The following ZNF839 variants were observed in gnomAD, a reference collection of about 807,000 sequenced individuals.
ZNF839 encodes renal carcinoma antigen NY-REN-50.
In ZNF839, 38 loss-of-function variants were observed where a neutral mutation model predicts 56.4. The ratio of observed to expected loss-of-function variants is 0.67; its 90% CI spans 0.52 to 0.88. The LOEUF is 0.88. Ranked by LOEUF, ZNF839 falls within the 40% of genes least tolerant of loss-of-function variation. ZNF839 has a pLI of 0.00. For synonymous variants in ZNF839, 486 were observed against 493.5 expected (o/e 0.98, Z 0.20); for missense variants, 1,091 against 1,177.6 (o/e 0.93, Z 1.08).
In ZNF839 at chr14:102,341,711, C is replaced by G; in HGVS notation, c.2316C>G (p.Leu772=). The G allele has an allele frequency of 6.2e-7, 1 of 1,613,982 alleles. No homozygotes were observed. Among genetic ancestry groups the G allele is most frequent in the South Asian group, 1.1e-5 (1 of 91,084 alleles). The part of the protein sequence containing the change: ...GGPGHAEAGH[L]GKVCDFHLNH... The stretch of plus-strand genomic sequence containing the variant: ...CTGGACATGCAGAGGCAGGACACCT[C>G]GGCAAGGTTTGTGACTTCCACCTGA... Residue 772 remains leucine, a synonymous_variant, in exon 8 of 8, where the codon CTC becomes CTG. Transcript: ENST00000442396.
At position 102,341,651 on chromosome 14, in the gene ZNF839, T is replaced by C; in HGVS notation, c.2256T>C (p.Ser752=). The change falls in exon 8 of 8, where the codon TCT becomes TCC. Residue 752 remains serine, a synonymous_variant. Transcript: ENST00000442396. ...RSPGFCSPLS[S]GGGAESLPPG... ...CGGGTTTCTGCAGCCCTTTGTCATC[T>C]GGTGGTGGAGCAGAGTCCCTGCCGC... 6.2e-7 allele frequency: 1 copy of C among 1,613,988 alleles called. No individual in the cohort carries two copies. Among genetic ancestry groups the C allele is most frequent in the Non-Finnish European group, 8.5e-7 (1 of 1,179,878 alleles).
At chr14:102,336,461 A>T (rs754292851) in intron 5 of ZNF839, among the ~76,000 whole-genome samples, 14 of 151,352 alleles carry the variant, frequency 9.2e-5, no homozygotes, top group Non-Finnish European at 1.5e-4. Context: ...TGCCCAGCTG[A>T]TTTTTTGTAT....
chr14:102,323,302 G>A (rs2073231717), intron 1 of ZNF839, among the ~76,000 whole-genome samples: 1 of 152,248 alleles, frequency 6.6e-6, no homozygotes. Flanking sequence ...CCATGTCAAA[G>A]GATTATGTTC....
rs1285105783 is a variant in ZNF839, at chr14:102,342,106, C to A, written c.2711C>A (p.Thr904Lys). ...SDGLILSPPG[T>K]IVSQEEDIVT... ...GGGCTTATCTTGTCCCCTCCAGGTA[C>A]AATAGTGTCTCAGGAGGAGGACATT... The change falls in exon 8 of 8, where the codon ACA (threonine) becomes AAA (lysine). Residue 904 changes from threonine (T) to lysine (K), a missense_variant. Physicochemically the swap from Thr to Lys is moderately conservative, Grantham distance 78. Coordinates refer to ENST00000442396, the MANE Select transcript of ZNF839 (RefSeq NM_018335.6). 6.2e-7 allele frequency: 1 copy of A among 1,613,958 alleles called. No homozygotes were observed. The highest frequency in any genetic ancestry group is 1.1e-5 in the South Asian group (1 of 91,080).
chr14:102,329,402 A>AT (rs1285615808), intron 2 of ZNF839, among the ~76,000 whole-genome samples: 2 of 148,508 alleles, frequency 1.3e-5, no homozygotes, highest in African/African-American at 5.0e-5. Flanking sequence ...TTATTTATTT[A>AT]TTTTTTCAGT....
At position 102,331,626 on chromosome 14, in the gene ZNF839, G is replaced by T; in HGVS notation, c.1196G>T (p.Gly399Val). 6.2e-7 allele frequency: 1 copy of T among 1,609,348 alleles called. No homozygotes were observed. The highest frequency in any genetic ancestry group is 8.5e-7 in the Non-Finnish European group (1 of 1,177,714). Reference sequence around the variant, plus strand: ...TGGGTGTGCAACACTGTCTAGAATGGTCAGTCTGTAGACGTTGAAGAGACA... The same window carrying T: ...TGGGTGTGCAACACTGTCTAGAATGTTCAGTCTGTAGACGTTGAAGAGACA... ...TESARGGLQN[G>V]QSVDVEETLP... is the part of the protein sequence containing the mutation. The change falls in exon 3 of 8, where the codon GGT becomes GTT. Residue 399 changes from glycine (G) to valine (V), a missense_variant. Transcript: ENST00000442396.
At chr14:102,328,078 GGT>G (rs2073514790) in intron 2 of ZNF839, among the ~76,000 whole-genome samples, 1 of 151,700 alleles carries the variant, frequency 6.6e-6, no homozygotes, top group Admixed American at 6.6e-5. Context: ...TATTGAGCCG[GGT>G]GCAGTGGCTC....
Position 102,342,211 on chromosome 14 carries a change from C to A in ZNF839, c.*32C>A. ...TTCCTCTAGAAGCTGTGGAGTCGGT[C>A]GTCACCGTGGAGCCAGAGCCCTCAC... On this transcript the variant is annotated 3_prime_UTR_variant, in exon 8 of 8. Coordinates refer to ENST00000442396, the MANE Select transcript of ZNF839 (RefSeq NM_018335.6). 1.9e-6 allele frequency: 3 copies of A among 1,552,960 alleles called. No homozygotes were observed. The South Asian group carries it at 3.5e-5, about 18-fold the overall frequency.
Position 102,331,801 on chromosome 14 carries a change from G to A in ZNF839, c.1371G>A (p.Ala457=), listed in dbSNP as rs773307456. 3.5e-5 allele frequency: 55 copies of A among 1,591,978 alleles called. No homozygotes were observed. The East Asian group carries it at 3.6e-4, about 11-fold the overall frequency. ...RAAQLPGGPA[A]AGEQRASPSK... The stretch of plus-strand genomic sequence containing the variant: ...CTCAGCTACCTGGTGGCCCTGCTGC[G>A]GCAGGGGAGCAGAGGGCGTCGCCAA... The change falls in exon 3 of 8, where the codon GCG becomes GCA. Residue 457 remains alanine, a synonymous_variant. Coordinates refer to ENST00000442396, the MANE Select transcript of ZNF839 (RefSeq NM_018335.6).
At position 102,342,222 on chromosome 14, in the gene ZNF839, A is replaced by G. The variant is rs1017057222; in HGVS notation, c.*43A>G. On this transcript the variant is annotated 3_prime_UTR_variant, in exon 8 of 8. Transcript: ENST00000442396. ...GCTGTGGAGTCGGTCGTCACCGTGG[A>G]GCCAGAGCCCTCACAGTGAAGTGGA... is the stretch of plus-strand genomic sequence containing the variant. 6 of 699,272 alleles carry G rather than the reference A, an allele frequency of 8.6e-6. No individual in the cohort carries two copies. In the African/African-American group the frequency reaches 1.6e-4, roughly 18 times the overall value. 43.3% of individuals were successfully genotyped at this position (699,272 alleles called of 1,614,324 possible). A position where few individuals can be genotyped will look rare whatever the true frequency, so the allele number is the denominator to read the frequency against.
At chr14:102,321,286 G>A (rs1214840030) in intron 1 of ZNF839, among the ~76,000 whole-genome samples, 2 of 152,210 alleles carry the variant, frequency 1.3e-5, no homozygotes, top group Admixed American at 6.5e-5. Context: ...TTTTTGTACC[G>A]GCATTTTGCA....
At chr14:102,320,332 G>A (rs1216277292) in intron 1 of ZNF839, among the ~76,000 whole-genome samples, 1 of 152,190 alleles carries the variant, frequency 6.6e-6, no homozygotes, top group African/African-American at 2.4e-5. Flanking sequence ...GGGGGCTTTT[G>A]CGTGCTCCCT....
At chr14:102,323,197 G>T (rs1025277539) in intron 1 of ZNF839, among the ~76,000 whole-genome samples, 2 of 152,216 alleles carry the variant, frequency 1.3e-5, no homozygotes, top group African/African-American at 4.8e-5. Context: ...TGCCCCACAG[G>T]GGGCACTTGG....
chr14:102,320,780 C>T (rs2073085834), intron 1 of ZNF839, among the ~76,000 whole-genome samples: 1 of 152,212 alleles, frequency 6.6e-6, no homozygotes, highest in South Asian at 2.1e-4. Context: ...CTGGGCCACA[C>T]ACCTTTTGGT....
chr14:102,320,107 C>G, intron 1 of ZNF839, 54 bp downstream of exon 1: 1 of 1,141,868 alleles, frequency 8.8e-7, no homozygotes, highest in East Asian at 4.1e-5. Context: ...GGCCGACGCC[C>G]CGCGGCGGGG....
At position 102,341,751 on chromosome 14, in the gene ZNF839, A is replaced by G. The variant is rs1327741838; in HGVS notation, c.2356A>G (p.Ser786Gly). ...CDFHLNHQQP[S>G]PTSVLPTEVA... Reference sequence around the variant, plus strand: ...CTTCCACCTGAACCACCAGCAGCCCAGCCCCACCAGCGTCCTGCCTACAGA... The same window carrying G: ...CTTCCACCTGAACCACCAGCAGCCCGGCCCCACCAGCGTCCTGCCTACAGA... Residue 786 changes from serine (S) to glycine (G), a missense_variant, in exon 8 of 8, where the codon AGC becomes GGC. Coordinates refer to ENST00000442396, the MANE Select transcript of ZNF839 (RefSeq NM_018335.6). 45 of 1,613,888 alleles carry G rather than the reference A, an allele frequency of 2.8e-5. No homozygotes were observed. Among genetic ancestry groups the G allele is most frequent in the Non-Finnish European group, 3.5e-5 (41 of 1,179,888 alleles).
chr14:102,335,758 A>T lies in ZNF839; in HGVS notation c.1579A>T (p.Met527Leu), dbSNP rs189003679. 430 of 1,603,992 alleles carry T rather than the reference A, an allele frequency of 2.7e-4. 1 individual carries two copies. The African/African-American group carries it at 5.2e-3, about 19-fold the overall frequency. Reference sequence around the variant, plus strand: ...TAAGGAATTTGAAGAGTTGCATAAAATGGTTAAGAAAATGTGCCAAGATTA... The same window carrying T: ...TAAGGAATTTGAAGAGTTGCATAAATTGGTTAAGAAAATGTGCCAAGATTA... ...IYKEFEELHK[M>L]VKKMCQDYLS... Residue 527 changes from methionine (M) to leucine (L), a missense_variant, in exon 5 of 8, where the codon ATG (methionine) becomes TTG (leucine). By Grantham distance (15) the Met-to-Leu change is conservative. Transcript: ENST00000442396.
Position 102,321,630 on chromosome 14 carries a change from C to T in ZNF839, c.288+1577C>T, listed in dbSNP as rs116279863. 5.5e-3 allele frequency among the ~76,000 whole-genome samples: 840 copies of T among 152,218 alleles called. 14 individuals carry two copies. Among genetic ancestry groups the T allele is most frequent in the African/African-American group, 0.019 (785 of 41,522 alleles). On this transcript the variant is annotated intron_variant, in intron 1 of 7. Transcript: ENST00000442396. Reference sequence around the variant, plus strand: ...AGGCAAACCGGATGCGTACTTTGCCCCTCAGTAGTTTATGAACTAACAGGA... The same window carrying T: ...AGGCAAACCGGATGCGTACTTTGCCTCTCAGTAGTTTATGAACTAACAGGA...
chr14:102,338,836 C>G lies in ZNF839; in HGVS notation c.1680C>G (p.Ile560Met), dbSNP rs1019365608. The G allele has an allele frequency of 1.4e-5, 23 of 1,613,640 alleles. No homozygotes were observed. Among genetic ancestry groups the G allele is most frequent in the Non-Finnish European group, 1.9e-5 (22 of 1,179,862 alleles). The change falls in exon 6 of 8, where the codon ATC becomes ATG. Residue 560 changes from isoleucine (I) to methionine (M), a missense_variant. By Grantham distance (10) the Ile-to-Met change is conservative (BLOSUM62 1). Around this residue, in one of 3 missense-constraint regions of ZNF839, gnomAD observed 46 missense variants for 80.4 expected, o/e 0.57. Transcript: ENST00000442396. ...NNDKVAESLG[I>M]TEFLRKKEIH... ...TTCAGGTTGCTGAGTCATTAGGAAT[C>G]ACAGAATTCCTACGGAAGAAAGAAA...
Sources: gnomAD v4.1 joint callset for allele counts (sites outside exome capture counted in the v4.1 genomes callset) on GRCh38, gnomAD v4.1.1 for gene constraint, gnomAD v4.1.1 regional missense constraint, MANE v1.5 for transcripts, NCBI Gene and HGNC (gene_info 2026-07-23, HGNC 2026-07-21) for gene names.